The following IGSF11 variants were observed in gnomAD, a reference collection of about 807,000 sequenced individuals.
IGSF11 encodes the protein immunoglobulin superfamily member 11, also known as CXADR like 1.
A neutral mutation model predicts 41.0 loss-of-function variants in IGSF11; 22 were observed. That is an observed-to-expected ratio of 0.54 (90% CI 0.38 to 0.77). The LOEUF is 0.77. Among genes scored for constraint, IGSF11 ranks in the 30% least tolerant of loss-of-function variants. IGSF11 has a pLI of 0.00. For missense variants in IGSF11, 444 were observed against 530.8 expected (o/e 0.84, Z 1.61); for synonymous variants, 219 against 201.3 (o/e 1.09, Z -0.74).
At chr3:119,119,452 A>G (rs973632393) in intron 1 of IGSF11, among the ~76,000 whole-genome samples, 1 of 152,106 alleles carries the variant, frequency 6.6e-6, no homozygotes, top group African/African-American at 2.4e-5. Context: ...CCATGATTCA[A>G]TTACCTCCTA....
intron 4 of IGSF11, among the ~76,000 whole-genome samples, chr3:118,914,243 C>T (rs187976780): frequency 1.3e-3 from 201 of 152,018 alleles, no homozygotes; most frequent in African/African-American, 3.7e-3. Flanking sequence ...AATAGAAAAT[C>T]GGGGAGGAGC....
At chr3:119,093,538 T>C (rs758027813) in intron 1 of IGSF11, among the ~76,000 whole-genome samples, 85 of 152,210 alleles carry the variant, frequency 5.6e-4, no homozygotes, top group Non-Finnish European at 9.0e-4. Flanking sequence ...CGAGGTATCT[T>C]CAACGTCAAT....
chr3:119,075,814 T>C (rs1004782976), intron 1 of IGSF11, among the ~76,000 whole-genome samples: 17 of 152,150 alleles, frequency 1.1e-4, no homozygotes, highest in African/African-American at 3.9e-4. Context: ...AGAATCAATA[T>C]CGTGAAAATG....
At chr3:118,942,290 C>T (rs1484250624) in intron 1 of IGSF11, among the ~76,000 whole-genome samples, 1 of 152,088 alleles carries the variant, frequency 6.6e-6, no homozygotes, top group African/African-American at 2.4e-5. Flanking sequence ...TGCAACTGTC[C>T]CTGTCACCAA....
At chr3:119,031,983 T>C (rs1289662799) in intron 1 of IGSF11, among the ~76,000 whole-genome samples, 1 of 152,258 alleles carries the variant, frequency 6.6e-6, no homozygotes, top group Non-Finnish European at 1.5e-5. Context: ...ACTTTAGTTA[T>C]ATCTAACCCA....
At chr3:119,008,801 G>C (rs934776903) in intron 1 of IGSF11, among the ~76,000 whole-genome samples, 1 of 152,116 alleles carries the variant, frequency 6.6e-6, no homozygotes, top group Non-Finnish European at 1.5e-5. Flanking sequence ...TTAAGTCATT[G>C]GACTGAGTAC....
At chr3:118,926,928 T>C (rs1294781121) in intron 3 of IGSF11, among the ~76,000 whole-genome samples, 1 of 152,206 alleles carries the variant, frequency 6.6e-6, no homozygotes, top group African/African-American at 2.4e-5. Context: ...ACTAAGCCCA[T>C]GGCTTGAAGT....
In IGSF11 at chr3:119,006,109, C is replaced by T. The variant is rs1459408679; in HGVS notation, c.52+28422G>A. On this transcript the variant is annotated intron_variant, in intron 1 of 6. Transcript: ENST00000393775. ...ATCACTTTCAGGTACACCAATCAGA[C>T]GTAGATTTGGTCTTTTCACATAGTC... Among the ~76,000 whole-genome samples, 25 of 117,194 alleles carry T rather than the reference C, an allele frequency of 2.1e-4. 1 individual carries two copies. The East Asian group carries it at 5.4e-3, about 26-fold the overall frequency. 76.9% of individuals were successfully genotyped at this position (117,194 alleles called of 152,430 possible).
intron 1 of IGSF11, among the ~76,000 whole-genome samples, chr3:119,041,962 T>C (rs1320653551): frequency 2.0e-5 from 3 of 152,086 alleles, no homozygotes; most frequent in African/African-American, 7.2e-5. Flanking sequence ...TACCAAATAT[T>C]GACAAGAATG....
chr3:119,106,646 T>A (rs2077031828), upstream of IGSF11, among the ~76,000 whole-genome samples: 1 of 152,178 alleles, frequency 6.6e-6, no homozygotes, highest in South Asian at 2.1e-4. Flanking sequence ...TGCGGGTTAG[T>A]TACATATGTA....
At chr3:118,998,228 C>T (rs1044902552) in intron 1 of IGSF11, among the ~76,000 whole-genome samples, 3 of 152,222 alleles carry the variant, frequency 2.0e-5, no homozygotes, top group South Asian at 2.1e-4. Context: ...GAGGTGACAG[C>T]CTGGTAACTT....
intron 1 of IGSF11, among the ~76,000 whole-genome samples, chr3:119,089,512 T>C (rs571296122): frequency 1.3e-5 from 2 of 152,248 alleles, no homozygotes; most frequent in African/African-American, 4.8e-5. Flanking sequence ...TCCTTTAGAA[T>C]TGGAACAAGA....
At chr3:119,035,998 T>C (rs1191824274), upstream of IGSF11, among the ~76,000 whole-genome samples, 1 of 152,170 alleles carries the variant, frequency 6.6e-6, no homozygotes, top group African/African-American at 2.4e-5. Flanking sequence ...AAACATACAT[T>C]TGGACAAGGA....
At chr3:118,951,459 G>A (rs1241332908) in intron 1 of IGSF11, among the ~76,000 whole-genome samples, 2 of 151,964 alleles carry the variant, frequency 1.3e-5, no homozygotes, top group Admixed American at 1.3e-4. Context: ...ATAAGCATTT[G>A]ATTTTTCTAT....
intron 1 of IGSF11, 77 bp from the exon 2 acceptor site, chr3:118,930,352 T>C: frequency 7.2e-7 from 1 of 1,385,886 alleles, no homozygotes; most frequent in Non-Finnish European, 9.8e-7. Flanking sequence ...GGTTTGCGTG[T>C]TTTATGTTAT....
At chr3:118,993,051 C>A (rs901958021) in intron 1 of IGSF11, among the ~76,000 whole-genome samples, 1 of 152,128 alleles carries the variant, frequency 6.6e-6, no homozygotes, top group South Asian at 2.1e-4. Flanking sequence ...AATAGCAAGA[C>A]CCTGTCTCTA....
intron 1 of IGSF11, among the ~76,000 whole-genome samples, chr3:119,043,317 G>C (rs1941194742): frequency 6.6e-6 from 1 of 152,106 alleles, no homozygotes; most frequent in East Asian, 1.9e-4. Flanking sequence ...TGGCTGTCTT[G>C]TTTTTGCCTA....
Position 119,100,471 on chromosome 3 carries a change from A to T in IGSF11, c.49+4673T>A, listed in dbSNP as rs550366730. Reference sequence around the variant, plus strand: ...AGCCAGTGTGGCAGAGATCACAGAGATGATGACAATTTGTCATTAATTCCC... The same window carrying T: ...AGCCAGTGTGGCAGAGATCACAGAGTTGATGACAATTTGTCATTAATTCCC... On this transcript the variant is annotated intron_variant, in intron 1 of 6. Coordinates refer to the IGSF11 transcript ENST00000354673. Among the ~76,000 whole-genome samples, 38 of 152,362 alleles carry T rather than the reference A, an allele frequency of 2.5e-4. 1 individual carries two copies. The highest frequency in any genetic ancestry group is 2.3e-3 in the Admixed American group (35 of 15,302).
chr3:119,064,536 A>T (rs750519080), intron 1 of IGSF11, among the ~76,000 whole-genome samples: 1,499 of 101,032 alleles, frequency 0.015, 14 homozygotes, highest in Middle Eastern at 0.052. Flanking sequence ...TTTTTTTTCC[A>T]TGTGAACTTA....
Sources: allele counts gnomAD v4.1 joint callset (sites outside exome capture counted in the v4.1 genomes callset), GRCh38; gene constraint gnomAD v4.1.1; transcripts MANE v1.5; gene names NCBI Gene and HGNC (gene_info 2026-07-23, HGNC 2026-07-21).